FBXO28: variants seen among roughly 807,000 people sequenced by gnomAD.
FBXO28 encodes F-box protein 28, also known as F-box only protein 28.
In FBXO28, 8 loss-of-function variants were observed where a neutral mutation model predicts 38.1. The observed-to-expected ratio is 0.21, with a 90% CI of 0.12 to 0.38. The LOEUF is 0.38. Among genes scored for constraint, FBXO28 ranks in the 10% least tolerant of loss-of-function variants. FBXO28 has a pLI of 1.00. For missense variants in FBXO28, 345 were observed against 460.6 expected, an observed-to-expected ratio of 0.75 and a Z score of 2.30; for synonymous variants, 168 against 173.8, an observed-to-expected ratio of 0.97 and a Z score of 0.26.
chr1:224,120,078 T>G (rs1033462930), intron 1 of FBXO28, among the ~76,000 whole-genome samples: 10 of 152,250 alleles, frequency 6.6e-5, no homozygotes, highest in African/African-American at 2.4e-4. Context: ...CATACCTTGA[T>G]AAACTGAGTA....
chr1:224,122,042 G>T lies in FBXO28; in HGVS notation c.267+7646G>T, dbSNP rs912388422. On this transcript the variant is annotated intron_variant, in intron 1 of 4. Transcript: ENST00000366862. ...ACCTGCCTTGGCCTCGCAAAGTGCTGGGATTACAGGCGTGAGCCACTGCCT... is the reference window on the plus strand; with the variant it reads ...ACCTGCCTTGGCCTCGCAAAGTGCTTGGATTACAGGCGTGAGCCACTGCCT... Among the ~76,000 whole-genome samples, 27 of 152,206 alleles carry T rather than the reference G, an allele frequency of 1.8e-4. 1 individual carries two copies. Among genetic ancestry groups the T allele is most frequent in the Admixed American group, 1.7e-3 (26 of 15,282 alleles).
chr1:224,132,387 A>G (rs111807756), intron 2 of FBXO28, among the ~76,000 whole-genome samples: 28 of 152,284 alleles, frequency 1.8e-4, no homozygotes, highest in African/African-American at 4.6e-4. Context: ...ATTTATATCC[A>G]CTAGCGCTTT....
Position 224,141,746 on chromosome 1 carries a change from TA to T in FBXO28, c.516+7541del, listed in dbSNP as rs1310415368. ...GAAAAGGTACAGTAAAAGTAGGGTA[TA>T]AAAAAATGGTACACCTGTATAGGGC... On this transcript the variant is annotated intron_variant, in intron 3 of 4. Coordinates refer to ENST00000366862, the MANE Select transcript of FBXO28 (RefSeq NM_015176.4). Among the ~76,000 whole-genome samples, 5 of 152,082 alleles carry T rather than the reference TA, an allele frequency of 3.3e-5. No individual in the cohort carries two copies. The South Asian group carries it at 6.2e-4, about 19-fold the overall frequency.
At chr1:224,136,391 T>G (rs1443979039) in intron 3 of FBXO28, among the ~76,000 whole-genome samples, 2 of 152,002 alleles carry the variant, frequency 1.3e-5, no homozygotes, top group Admixed American at 1.3e-4. Context: ...TTATGATAAG[T>G]TGTTCTTGTT....
intron 1 of FBXO28, among the ~76,000 whole-genome samples, chr1:224,124,828 A>G: frequency 6.6e-6 from 1 of 152,058 alleles, no homozygotes; most frequent in East Asian, 1.9e-4. Context: ...CTCAGGTTCA[A>G]GCGACCCTCC....
chr1:224,120,743 A>T (rs1006386563), intron 1 of FBXO28, among the ~76,000 whole-genome samples: 9 of 152,010 alleles, frequency 5.9e-5, no homozygotes, highest in African/African-American at 2.2e-4. Context: ...GGCACTTGTA[A>T]TCCCAGCTAC....
chr1:224,115,612 A>G (rs1261612338), intron 1 of FBXO28, among the ~76,000 whole-genome samples: 3 of 152,318 alleles, frequency 2.0e-5, no homozygotes, highest in Admixed American at 1.3e-4. Flanking sequence ...CAGGATGGAA[A>G]ATTTCTTCAG....
At chr1:224,143,853 A>G (rs912744094) in intron 3 of FBXO28, among the ~76,000 whole-genome samples, 1 of 151,256 alleles carries the variant, frequency 6.6e-6, no homozygotes, top group African/African-American at 2.4e-5. Context: ...AAAAAAAGAA[A>G]AATGAATGAA....
chr1:224,152,084 C>T (rs140563688), intron 3 of FBXO28, among the ~76,000 whole-genome samples: 362 of 151,374 alleles, frequency 2.4e-3, no homozygotes, highest in African/African-American at 8.2e-3. Flanking sequence ...TATTCTGAAG[C>T]CACAGGGAAG....
Position 224,134,420 on chromosome 1 carries a change from C to A in FBXO28, c.516+208C>A, listed in dbSNP as rs534971103. 2.0e-4 allele frequency: 83 copies of A among 425,160 alleles called. 3 individuals carry two copies. The South Asian group carries it at 2.9e-3, about 15-fold the overall frequency. The allele number at this position is 425,160 out of a possible 1,614,324, so 26.3% of individuals were successfully genotyped here. On this transcript the variant is annotated intron_variant, in intron 3 of 4. Transcript: ENST00000366862. ...ATTCTAATTATGAAATAGTCGAAAC[C>A]CTAATATTCTTTAGAGAAGTTTTTT... is the stretch of plus-strand genomic sequence containing the variant.
intron 3 of FBXO28, among the ~76,000 whole-genome samples, chr1:224,152,353 A>G (rs1185368825): frequency 6.6e-6 from 1 of 152,222 alleles, no homozygotes; most frequent in Non-Finnish European, 1.5e-5. Flanking sequence ...AATCAGGCTG[A>G]GTCCCTGCAG....
Position 224,157,410 on chromosome 1 carries a change from A to G in FBXO28, c.771A>G (p.Ser257=). The G allele has an allele frequency of 1.2e-6, 2 of 1,614,158 alleles. No individual in the cohort carries two copies. The highest frequency in any genetic ancestry group is 1.1e-5 in the South Asian group (1 of 91,068). The change falls in exon 5 of 5, where the codon TCA becomes TCG. Residue 257 remains serine, a synonymous_variant. Transcript: ENST00000366862. ...AGCTCTTCTCCAAGCAAAATCCTTC[A>G]AGACAAGAGGTTACCAAACTCCAGC... ...TMQLFSKQNP[S]RQEVTKLQQQ...
intron 3 of FBXO28, among the ~76,000 whole-genome samples, chr1:224,136,456 G>T (rs1657189433): frequency 6.6e-6 from 1 of 151,854 alleles, no homozygotes; most frequent in Admixed American, 6.6e-5. Flanking sequence ...GGGCGCGGTA[G>T]CTCACACCTG....
At chr1:224,119,136 T>TTTTTC (rs1553287738) in intron 1 of FBXO28, among the ~76,000 whole-genome samples, 60 of 496 alleles carry the variant, frequency 0.12, no homozygotes, top group Admixed American at 0.28. Context: ...CTTTTTTTTC[T>TTTTTC]TTTTTTTTTT....
chr1:224,117,214 T>C (rs527395759), intron 1 of FBXO28, among the ~76,000 whole-genome samples: 2 of 137,208 alleles, frequency 1.5e-5, no homozygotes, highest in African/African-American at 5.7e-5. Flanking sequence ...TCACCCAGGC[T>C]GGAGTGCAGT....
intron 1 of FBXO28, among the ~76,000 whole-genome samples, chr1:224,120,781 C>T (rs1310342030): frequency 6.6e-6 from 1 of 150,960 alleles, no homozygotes; most frequent in African/African-American, 2.4e-5. Context: ...GAGAATCACT[C>T]GGACCCGGGA....
At chr1:224,152,959 G>GT (rs1657682676) in intron 3 of FBXO28, among the ~76,000 whole-genome samples, 183 bp from the exon 4 acceptor site, 1 of 131,848 alleles carries the variant, frequency 7.6e-6, no homozygotes, top group Non-Finnish European at 1.6e-5. Context: ...AAAAAGTACT[G>GT]TAACAAGTCC....
At position 224,129,747 on chromosome 1, in the gene FBXO28, T is replaced by C. The variant is rs561845433; in HGVS notation, c.268-725T>C. On this transcript the variant is annotated intron_variant, in intron 1 of 4. Transcript: ENST00000366862. ...GCTCACACCTGTAATCCCAGCACTTTGGGAGGCCGAGGCAGGCGGATCACA... is the reference window on the plus strand; with the variant it reads ...GCTCACACCTGTAATCCCAGCACTTCGGGAGGCCGAGGCAGGCGGATCACA... 2.4e-4 allele frequency among the ~76,000 whole-genome samples: 36 copies of C among 152,224 alleles called. 1 individual carries two copies. In the East Asian group the frequency reaches 4.3e-3, roughly 18 times the overall value.
In FBXO28 at chr1:224,159,306, C is replaced by T. The variant is rs558246635; in HGVS notation, c.*1560C>T. 5.9e-5 allele frequency: 9 copies of T among 152,092 alleles called. No homozygotes were observed. In the East Asian group the frequency reaches 1.2e-3, roughly 20 times the overall value. 9.4% of individuals were successfully genotyped at this position (152,092 alleles called of 1,614,324 possible). ...GCACAAGGTTATCACCTTTTTTATC[C>T]GTCCACCGTGACATGGTTATGCATC... On this transcript the variant is annotated 3_prime_UTR_variant, in exon 5 of 5. Coordinates refer to ENST00000366862, the MANE Select transcript of FBXO28 (RefSeq NM_015176.4).
Sources: allele counts gnomAD v4.1 joint callset (sites outside exome capture counted in the v4.1 genomes callset), GRCh38; gene constraint gnomAD v4.1.1; transcripts MANE v1.5; gene names NCBI Gene and HGNC (gene_info 2026-07-23, HGNC 2026-07-21).